Variants in PTPN20 observed in about 807,000 individuals in gnomAD.
The protein encoded by PTPN20 is protein tyrosine phosphatase non-receptor type 20, also known as tyrosine-protein phosphatase non-receptor type 20.
PTPN20 carries 9 observed loss-of-function variants against 35.0 expected under a neutral mutation model. The ratio of observed to expected loss-of-function variants is 0.26; its 90% CI spans 0.15 to 0.45. The LOEUF (loss-of-function observed/expected upper bound fraction) is 0.45, where lower values mean the gene tolerates loss of function less well. Ranked by LOEUF, PTPN20 falls within the 20% of genes least tolerant of loss-of-function variation. The pLI is 1.00. For synonymous variants in PTPN20, 32 were observed against 100.2 expected (o/e 0.32, Z 4.06); for missense variants, 111 against 312.5 (o/e 0.36, Z 4.86).
chr10:46,998,782 C>T (rs2059589480), intron 9 of PTPN20, among the ~76,000 whole-genome samples: 1 of 152,108 alleles, frequency 6.6e-6, no homozygotes, highest in Admixed American at 6.6e-5. Context: ...GTGAAAGATA[C>T]ACAGGGCCAC....
rs1565658516 is a variant in PTPN20, at chr10:47,001,119, G to GGGAGAACA, written c.*378_*379insGGAGAACA. 203 of 273,096 alleles carry GGGAGAACA rather than the reference G, an allele frequency of 7.4e-4. 1 individual carries two copies. The highest frequency in any genetic ancestry group is 4.3e-3 in the African/African-American group (190 of 44,464). 16.9% of individuals were successfully genotyped at this position (273,096 alleles called of 1,614,324 possible). On this transcript the variant is annotated 3_prime_UTR_variant, in exon 11 of 11. Coordinates refer to ENST00000374339, the MANE Select transcript of PTPN20 (RefSeq NM_001042357.5). ...GAGAGCTGAGGATTTCCAGGACTTT[G>GGGAGAACA]TAAGTTCTTATTCTGGGAGAACATA...
At chr10:46,923,999 C>T (rs2036317169) in intron 1 of PTPN20, among the ~76,000 whole-genome samples, 1 of 152,076 alleles carries the variant, frequency 6.6e-6, no homozygotes, top group Non-Finnish European at 1.5e-5. Context: ...TTGTTAATTG[C>T]TGGTTTATAG....
chr10:46,928,391 A>G (rs1370004237), intron 1 of PTPN20, among the ~76,000 whole-genome samples: 7 of 151,396 alleles, frequency 4.6e-5, no homozygotes, highest in Non-Finnish European at 1.0e-4. Flanking sequence ...GCTTTTTAAA[A>G]GTCAACTTTA....
intron 1 of PTPN20, among the ~76,000 whole-genome samples, chr10:46,932,065 T>C (rs1432968718): frequency 9.2e-6 from 1 of 108,140 alleles, no homozygotes; most frequent in Non-Finnish European, 1.7e-5. Flanking sequence ...ATTGAATTTG[T>C]GTGTGTGTGT....
intron 1 of PTPN20, among the ~76,000 whole-genome samples, chr10:46,912,591 C>CT (rs2032469878): frequency 6.9e-6 from 1 of 144,176 alleles, no homozygotes; most frequent in Admixed American, 6.7e-5. Context: ...TATAAGATGA[C>CT]TTTGGTAATT....
chr10:46,928,529 G>A (rs2038478589), intron 1 of PTPN20, among the ~76,000 whole-genome samples: 1 of 152,260 alleles, frequency 6.6e-6, no homozygotes, highest in African/African-American at 2.4e-5. Flanking sequence ...AGAACTGTCA[G>A]TGGCTCTGGA....
At position 46,931,744 on chromosome 10, in the gene PTPN20, A is replaced by G. The variant is rs1258875544; in HGVS notation, c.-123-633A>G. ...TTTTTAAAATAAATCTGTTTCACAC[A>G]TTAACTTTAGATTCAGATTATAGTA... On this transcript the variant is annotated intron_variant, in intron 1 of 10. Transcript: ENST00000374339. Among the ~76,000 whole-genome samples the G allele has an allele frequency of 3.7e-4, 53 of 144,858 alleles. 6 individuals carry two copies. Among genetic ancestry groups the G allele is most frequent in the African/African-American group, 1.0e-3 (36 of 35,464 alleles).
rs1286196247 is a variant in PTPN20, at chr10:47,001,548, T to G, written c.*807T>G. 1 of 152,204 alleles carries G rather than the reference T, an allele frequency of 6.6e-6. No homozygotes were observed. Among genetic ancestry groups the G allele is most frequent in the Non-Finnish European group, 1.5e-5 (1 of 68,030 alleles). 9.4% of individuals were successfully genotyped at this position (152,204 alleles called of 1,614,324 possible). A position where few individuals can be genotyped will look rare whatever the true frequency, so the allele number is the denominator to read the frequency against. On this transcript the variant is annotated 3_prime_UTR_variant, in exon 11 of 11. Coordinates refer to ENST00000374339, the MANE Select transcript of PTPN20 (RefSeq NM_001042357.5). ...ATTACCTTTAACTTGCCTCTTACTC[T>G]TTGCCCTTTAGCTAACTAATAAAGT...
chr10:46,995,304 A>G (rs999508544), intron 9 of PTPN20, among the ~76,000 whole-genome samples: 30 of 130,646 alleles, frequency 2.3e-4, no homozygotes, highest in African/African-American at 8.0e-4. Flanking sequence ...TATAGATTCT[A>G]TGTAATTTAC....
intron 5 of PTPN20, among the ~76,000 whole-genome samples, chr10:46,949,560 T>A (rs1420324327): frequency 6.6e-6 from 1 of 151,718 alleles, no homozygotes; most frequent in Admixed American, 6.6e-5. Flanking sequence ...TTAGTGTTTT[T>A]TTTTCAACTT....
rs2060102303 is a variant in PTPN20, at chr10:47,002,218, C to CTCTGTTACTG, written c.*1478_*1479insCTGTTACTGT. 6.6e-6 allele frequency: 1 copy of CTCTGTTACTG among 152,246 alleles called. No homozygotes were observed. The highest frequency in any genetic ancestry group is 2.1e-4 in the South Asian group (1 of 4,824). The allele number at this position is 152,246 out of a possible 1,614,324, so 9.4% of individuals were successfully genotyped here. A position where few individuals can be genotyped will look rare whatever the true frequency, so the allele number is the denominator to read the frequency against. On this transcript the variant is annotated 3_prime_UTR_variant, in exon 11 of 11. Coordinates refer to ENST00000374339, the MANE Select transcript of PTPN20 (RefSeq NM_001042357.5). Reference sequence around the variant, plus strand: ...TAATTGGCCTTTAATATTTGTATCTCTAATTTTATTTTCTCTCTGTTACTG... The same window carrying CTCTGTTACTG: ...TAATTGGCCTTTAATATTTGTATCTCTCTGTTACTGTAATTTTATTTTCTCTCTGTTACTG...
chr10:46,999,641 G>A (rs1487877142), intron 9 of PTPN20, among the ~76,000 whole-genome samples: 2 of 152,154 alleles, frequency 1.3e-5, no homozygotes, highest in Non-Finnish European at 2.9e-5. Flanking sequence ...TCTGCCTTTG[G>A]ATAACAAACA....
intron 1 of PTPN20, among the ~76,000 whole-genome samples, chr10:46,926,719 A>G (rs1245246255): frequency 7.3e-5 from 11 of 151,676 alleles, no homozygotes; most frequent in African/African-American, 2.0e-4. Flanking sequence ...CTGAAAAGGT[A>G]GAAAGCAAAA....
chr10:46,925,141 G>A (rs1383015976), intron 1 of PTPN20, among the ~76,000 whole-genome samples: 1 of 151,214 alleles, frequency 6.6e-6, no homozygotes, highest in Non-Finnish European at 1.5e-5. Flanking sequence ...GTATGGGGCT[G>A]GTGGTCTCCG....
At chr10:46,937,950 C>CTTTT (rs1266304586) in intron 2 of PTPN20, among the ~76,000 whole-genome samples, 6 of 127,166 alleles carry the variant, frequency 4.7e-5, no homozygotes, top group South Asian at 2.5e-4. Context: ...TTTTTCTTTT[C>CTTTT]TTTTTTTTTT....
At chr10:46,938,021 CT>C (rs1412088008) in intron 2 of PTPN20, among the ~76,000 whole-genome samples, 2 of 150,396 alleles carry the variant, frequency 1.3e-5, no homozygotes, top group East Asian at 3.9e-4. Context: ...GCAATCTTGG[CT>C]CACTGCAACC....
intron 7 of PTPN20, among the ~76,000 whole-genome samples, chr10:46,970,830 C>T (rs2051925025): frequency 1.1e-5 from 1 of 87,182 alleles, no homozygotes; most frequent in Non-Finnish European, 2.0e-5. Flanking sequence ...AAGGTGGAAA[C>T]TGATCCAGAC....
intron 1 of PTPN20, among the ~76,000 whole-genome samples, chr10:46,923,988 A>G (rs1257249477): frequency 1.3e-5 from 2 of 152,188 alleles, no homozygotes; most frequent in Non-Finnish European, 2.9e-5. Context: ...TCCAATTCCA[A>G]TTGTTAATTG....
At position 46,997,452 on chromosome 10, in the gene PTPN20, A is replaced by G. The variant is rs1211649923; in HGVS notation, c.1135-2460A>G. On this transcript the variant is annotated intron_variant, in intron 9 of 10. Coordinates refer to ENST00000374339, the MANE Select transcript of PTPN20 (RefSeq NM_001042357.5). ...ATTTGTCTCTTCCTTTTTGATCTGT[A>G]TACAATCTGTATACATCCTACTTAT... Among the ~76,000 whole-genome samples the G allele has an allele frequency of 4.0e-5, 6 of 151,320 alleles. 1 individual carries two copies. The highest frequency in any genetic ancestry group is 4.4e-5 in the Non-Finnish European group (3 of 67,852).
Sources: allele counts gnomAD v4.1 joint callset (sites outside exome capture counted in the v4.1 genomes callset), GRCh38; gene constraint gnomAD v4.1.1; transcripts MANE v1.5; gene names NCBI Gene and HGNC (gene_info 2026-07-23, HGNC 2026-07-21).